The following PALM2AKAP2 variants were observed in gnomAD, a reference collection of about 807,000 sequenced individuals.
PALM2AKAP2 encodes the protein PALM2-AKAP2 fusion protein.
Under a neutral mutation model 71.5 loss-of-function variants are expected in PALM2AKAP2, and 37 were observed. That is an observed-to-expected ratio of 0.52 (90% confidence interval 0.40 to 0.68). The LOEUF is 0.68. PALM2AKAP2 is among the 30% of genes least tolerant of loss of function. The probability of loss-of-function intolerance (pLI) is 0.00; values close to 1 mark genes in which losing one functional copy is unlikely to be tolerated. For synonymous variants in PALM2AKAP2, 468 were observed against 478.8 expected (o/e 0.98, Z 0.29); for missense variants, 1,224 against 1,191.8 (o/e 1.03, Z -0.40).
At chr9:109,707,034 C>A (rs1292975034) in intron 1 of PALM2AKAP2, among the ~76,000 whole-genome samples, 1 of 152,114 alleles carries the variant, frequency 6.6e-6, no homozygotes, top group Non-Finnish European at 1.5e-5. Context: ...AGTGAGTGAG[C>A]TTTATAGAGT....
intron 5 of PALM2AKAP2, among the ~76,000 whole-genome samples, chr9:109,927,653 C>G (rs1830988213): frequency 6.6e-6 from 1 of 152,140 alleles, no homozygotes; most frequent in African/African-American, 2.4e-5. Context: ...TCACCAGTGG[C>G]TTTTGATTGC....
At position 109,662,410 on chromosome 9, in the gene PALM2AKAP2, A is replaced by G. The variant is rs539338259; in HGVS notation, c.5+21544A>G. 1.4e-4 allele frequency among the ~76,000 whole-genome samples: 21 copies of G among 152,342 alleles called. No individual in the cohort carries two copies. The South Asian group carries it at 3.9e-3, about 29-fold the overall frequency. On this transcript the variant is annotated intron_variant, in intron 1 of 6. Transcript: ENST00000374531. ...GAATTTTGTCAAAGGCCTTTTCTGC[A>G]TCTATTGAGATAATCATGTGGTTTT...
intron 3 of PALM2AKAP2, among the ~76,000 whole-genome samples, chr9:109,913,521 T>G (rs1475398926): frequency 6.6e-6 from 1 of 152,194 alleles, no homozygotes; most frequent in Non-Finnish European, 1.5e-5. Flanking sequence ...CAGGCGTTGA[T>G]TAGCAGTAAT....
chr9:109,647,875 T>A (rs550753782), intron 1 of PALM2AKAP2, among the ~76,000 whole-genome samples: 3 of 152,342 alleles, frequency 2.0e-5, no homozygotes, highest in Non-Finnish European at 1.5e-5. Flanking sequence ...ATTTCTTACC[T>A]TAAAGTTGAG....
intron 1 of PALM2AKAP2, among the ~76,000 whole-genome samples, chr9:109,837,969 C>G (rs148147429): frequency 6.6e-6 from 1 of 152,070 alleles, no homozygotes; most frequent in Non-Finnish European, 1.5e-5. Context: ...AGACAGATAA[C>G]GAGACAGAAA....
chr9:110,152,986 G>A lies in PALM2AKAP2; in HGVS notation c.2570-3333G>A, dbSNP rs992268139. On this transcript the variant is annotated intron_variant, in intron 2 of 3. Transcript: ENST00000374525. ...TGTGATAGCCTCTCCTAAGGGGGTA[G>A]ATAGAACCAGAACATGGGCTCAGTT... Among the ~76,000 whole-genome samples the A allele has an allele frequency of 4.6e-5, 7 of 152,148 alleles. No individual in the cohort carries two copies. In the East Asian group the frequency reaches 1.3e-3, roughly 29 times the overall value.
chr9:110,076,468 T>C (rs1439633610), intron 1 of PALM2AKAP2, among the ~76,000 whole-genome samples: 1 of 137,804 alleles, frequency 7.3e-6, no homozygotes, highest in East Asian at 2.0e-4. Flanking sequence ...CCTGAGGATA[T>C]ATAGGTATAT....
At chr9:110,102,545 G>T (rs1013743521) in intron 1 of PALM2AKAP2, among the ~76,000 whole-genome samples, 9 of 152,122 alleles carry the variant, frequency 5.9e-5, no homozygotes, top group African/African-American at 2.2e-4. Context: ...GGCTTTTCTG[G>T]GGCCATGGAG....
At chr9:109,835,436 A>C (rs1281594328) in intron 1 of PALM2AKAP2, among the ~76,000 whole-genome samples, 1 of 152,064 alleles carries the variant, frequency 6.6e-6, no homozygotes, top group African/African-American at 2.4e-5. Flanking sequence ...GCTCCAGTCT[A>C]CAGCTCCCAG....
At chr9:109,657,412 GGT>G (rs980402245) in intron 1 of PALM2AKAP2, among the ~76,000 whole-genome samples, 19 of 151,366 alleles carry the variant, frequency 1.3e-4, no homozygotes, top group African/African-American at 4.4e-4. Flanking sequence ...TGTTTAGTGT[GGT>G]GGCTTTATGT....
intron 1 of PALM2AKAP2, among the ~76,000 whole-genome samples, chr9:110,128,192 C>T (rs1401339994): frequency 6.6e-6 from 1 of 152,226 alleles, no homozygotes; most frequent in Non-Finnish European, 1.5e-5. Flanking sequence ...GCCAGGTGCA[C>T]TTCCTTCCAT....
At chr9:109,908,811 CA>C (rs1830506531) in intron 3 of PALM2AKAP2, among the ~76,000 whole-genome samples, 1 of 26,454 alleles carries the variant, frequency 3.8e-5, no homozygotes, top group Non-Finnish European at 7.0e-5. Context: ...TGCGTGTGCA[CA>C]CACACACACA....
chr9:109,697,859 T>C (rs1217968061), intron 1 of PALM2AKAP2, among the ~76,000 whole-genome samples: 1 of 152,228 alleles, frequency 6.6e-6, no homozygotes, highest in African/African-American at 2.4e-5. Flanking sequence ...TTTAAATGAA[T>C]TGTGCTTTTT....
intron 1 of PALM2AKAP2, among the ~76,000 whole-genome samples, chr9:109,827,624 T>G (rs377456725): frequency 2.6e-5 from 4 of 151,910 alleles, no homozygotes; most frequent in Admixed American, 6.6e-5. Context: ...AGAAAAAAAA[T>G]TATGAGTTGC....
At chr9:109,736,644 T>C (rs1828639651) in intron 1 of PALM2AKAP2, among the ~76,000 whole-genome samples, 1 of 152,180 alleles carries the variant, frequency 6.6e-6, no homozygotes, top group Non-Finnish European at 1.5e-5. Flanking sequence ...AGTGCAGATT[T>C]CTTAAATGTA....
Position 110,163,166 on chromosome 9 carries a change from TA to T in PALM2AKAP2, c.2749-5232del, listed in dbSNP as rs548274177. Reference sequence around the variant, plus strand: ...GAAAGCACAATATTTTTCATATTTTTATTTCTGTATTTTATTTTGATTTTAA... The same window carrying T: ...GAAAGCACAATATTTTTCATATTTTTTTTCTGTATTTTATTTTGATTTTAA... On this transcript the variant is annotated intron_variant, in intron 3 of 3. Transcript: ENST00000374525. 3.0e-3 allele frequency among the ~76,000 whole-genome samples: 463 copies of T among 152,302 alleles called. 2 individuals carry two copies. Among genetic ancestry groups the T allele is most frequent in the African/African-American group, 0.011 (441 of 41,582 alleles).
chr9:110,161,459 G>T (rs545495337), intron 3 of PALM2AKAP2, among the ~76,000 whole-genome samples: 1 of 152,080 alleles, frequency 6.6e-6, no homozygotes, highest in Non-Finnish European at 1.5e-5. Context: ...GATCATTTCA[G>T]TTCCTAAGTG....
intron 1 of PALM2AKAP2, among the ~76,000 whole-genome samples, chr9:109,783,695 A>T (rs1289801580): frequency 2.0e-5 from 3 of 152,216 alleles, no homozygotes; most frequent in Non-Finnish European, 2.9e-5. Flanking sequence ...AGGCAGAGAT[A>T]TGACTTGAGG....
chr9:109,830,031 C>T (rs1479012489), intron 1 of PALM2AKAP2, among the ~76,000 whole-genome samples: 1 of 152,124 alleles, frequency 6.6e-6, no homozygotes, highest in African/African-American at 2.4e-5. Flanking sequence ...CTTTTAGCCT[C>T]TGTTTATGAT....
Sources: gnomAD v4.1 joint callset for allele counts (sites outside exome capture counted in the v4.1 genomes callset) on GRCh38, gnomAD v4.1.1 for gene constraint, MANE v1.5 for transcripts, NCBI Gene and HGNC (gene_info 2026-07-23, HGNC 2026-07-21) for gene names.